The following CENPW variants were observed in gnomAD, a reference collection of about 807,000 sequenced individuals.
CENPW encodes cancer-up-regulated gene 2 protein.
In CENPW, 3 loss-of-function variants were observed where a neutral mutation model predicts 11.1. The ratio of observed to expected loss-of-function variants is 0.27; its 90% CI spans 0.12 to 0.70. The LOEUF is 0.70. Among genes scored for constraint, CENPW ranks in the 30% least tolerant of loss-of-function variants. The pLI is 0.77. For missense variants in CENPW, 100 were observed against 105.6 expected, an observed-to-expected ratio of 0.95 and a Z score of 0.23; for synonymous variants, 38 against 42.0, an observed-to-expected ratio of 0.91 and a Z score of 0.37.
the CENPW span, among the ~76,000 whole-genome samples, chr6:126,441,226 C>T: frequency 6.6e-6 from 1 of 151,266 alleles, no homozygotes. Flanking sequence ...GGTAACTAGT[C>T]CCTGGTGTCT....
At chr6:126,385,425 T>G in the CENPW span, among the ~76,000 whole-genome samples, 1 of 152,150 alleles carries the variant, frequency 6.6e-6, no homozygotes, top group Non-Finnish European at 1.5e-5. Context: ...TATGCAGTCA[T>G]AAAAAAGAAC....
the CENPW span, among the ~76,000 whole-genome samples, chr6:126,447,965 T>C: frequency 6.6e-6 from 1 of 151,322 alleles, no homozygotes; most frequent in Non-Finnish European, 1.5e-5. Flanking sequence ...TATGTATTAT[T>C]CGCTTCCTGT....
chr6:126,480,523 T>C, the CENPW span, among the ~76,000 whole-genome samples: 1 of 152,010 alleles, frequency 6.6e-6, no homozygotes, highest in Non-Finnish European at 1.5e-5. Flanking sequence ...TAGTTGGAAA[T>C]CTAAGAAATG....
the CENPW span, among the ~76,000 whole-genome samples, chr6:126,404,141 A>C: frequency 6.6e-6 from 1 of 152,138 alleles, no homozygotes; most frequent in Non-Finnish European, 1.5e-5. Flanking sequence ...CCTACTGCAC[A>C]GAAAAGATTC....
chr6:126,480,395 T>C, the CENPW span, among the ~76,000 whole-genome samples: 1 of 152,034 alleles, frequency 6.6e-6, no homozygotes, highest in Non-Finnish European at 1.5e-5. Flanking sequence ...AAATGAACTC[T>C]GTGGGTGGCC....
chr6:126,433,056 T>C, the CENPW span, among the ~76,000 whole-genome samples: 36 of 152,340 alleles, frequency 2.4e-4, no homozygotes, highest in Non-Finnish European at 3.7e-4. Context: ...TGGAGGCCTG[T>C]CAGTTCTGAT....
At chr6:126,470,214 G>C in the CENPW span, among the ~76,000 whole-genome samples, 1 of 152,218 alleles carries the variant, frequency 6.6e-6, no homozygotes, top group African/African-American at 2.4e-5. Context: ...CCAGGTGCCT[G>C]CTCCTCTGCG....
At chr6:126,353,709 A>C (rs1196240885), downstream of CENPW, among the ~76,000 whole-genome samples, 2 of 151,808 alleles carry the variant, frequency 1.3e-5, no homozygotes, top group African/African-American at 2.4e-5. Context: ...CGAGATTCTA[A>C]TTATGTATTA....
the CENPW span, among the ~76,000 whole-genome samples, chr6:126,376,249 A>G: frequency 6.6e-6 from 1 of 152,220 alleles, no homozygotes; most frequent in Non-Finnish European, 1.5e-5. Flanking sequence ...GCTGATAGCC[A>G]TTCAGCTCTG....
chr6:126,405,710 A>C, the CENPW span, among the ~76,000 whole-genome samples: 1,278 of 152,056 alleles, frequency 8.4e-3, 15 homozygotes, highest in African/African-American at 0.03. Context: ...ATTATAGAGA[A>C]TGTTCATCTC....
At chr6:126,434,812 TA>T in the CENPW span, among the ~76,000 whole-genome samples, 1 of 151,982 alleles carries the variant, frequency 6.6e-6, no homozygotes, top group African/African-American at 2.4e-5. Flanking sequence ...TTCCTGAGAA[TA>T]AGCTACAAAA....
the CENPW span, among the ~76,000 whole-genome samples, chr6:126,361,962 C>T: frequency 1.3e-5 from 2 of 152,178 alleles, no homozygotes; most frequent in East Asian, 3.9e-4. Context: ...TAGGGCTGGG[C>T]TCTGGCTCTG....
At chr6:126,478,062 T>G in the CENPW span, among the ~76,000 whole-genome samples, 48 of 152,186 alleles carry the variant, frequency 3.2e-4, 1 homozygote, top group African/African-American at 1.1e-3. Context: ...CACCAGACTG[T>G]GGATGCCAAT....
chr6:126,420,569 A>G, the CENPW span, among the ~76,000 whole-genome samples: 1 of 152,112 alleles, frequency 6.6e-6, no homozygotes, highest in East Asian at 1.9e-4. Context: ...TTAGTGGGAG[A>G]GTCTATAGGA....
the CENPW span, among the ~76,000 whole-genome samples, chr6:126,366,171 G>A: frequency 6.6e-6 from 1 of 152,070 alleles, no homozygotes; most frequent in Non-Finnish European, 1.5e-5. Flanking sequence ...GTATAGTATA[G>A]TTACATGTGA....
At chr6:126,468,672 G>C in the CENPW span, among the ~76,000 whole-genome samples, 1 of 151,892 alleles carries the variant, frequency 6.6e-6, no homozygotes, top group Non-Finnish European at 1.5e-5. Flanking sequence ...TATACTATTT[G>C]CAATTTTTCT....
chr6:126,378,847 C>A, the CENPW span, among the ~76,000 whole-genome samples: 72 of 152,088 alleles, frequency 4.7e-4, no homozygotes, highest in Non-Finnish European at 9.9e-4. Context: ...AGAAAAAAAT[C>A]ACATAGAAAT....
chr6:126,450,349 G>T, the CENPW span, among the ~76,000 whole-genome samples: 1 of 151,008 alleles, frequency 6.6e-6, no homozygotes, highest in African/African-American at 2.4e-5. Context: ...AAGTATTAAA[G>T]ATGAATCTTA....
the CENPW span, among the ~76,000 whole-genome samples, chr6:126,361,263 T>C: frequency 1.3e-5 from 2 of 152,164 alleles, no homozygotes; most frequent in Non-Finnish European, 2.9e-5. Flanking sequence ...GTAGATGGGC[T>C]CTTAATCAAG....
Sources: allele counts gnomAD v4.1 joint callset (sites outside exome capture counted in the v4.1 genomes callset), GRCh38; gene constraint gnomAD v4.1.1; transcripts MANE v1.5; gene names NCBI Gene and HGNC (gene_info 2026-07-23, HGNC 2026-07-21).